The following SUCLG1 variants were observed in gnomAD, a reference collection of about 807,000 sequenced individuals.
The protein encoded by SUCLG1 is succinate-CoA ligase GDP/ADP-forming subunit alpha.
SUCLG1 carries 26 observed loss-of-function variants against 37.3 expected under a neutral mutation model. The observed-to-expected ratio is 0.70, with a 90% CI of 0.51 to 0.97. The LOEUF (loss-of-function observed/expected upper bound fraction) is 0.97. Among genes scored for constraint, SUCLG1 ranks in the 50% least tolerant of loss-of-function variants. The pLI, the probability that SUCLG1 is intolerant of heterozygous loss-of-function variation, is 0.00. For missense variants in SUCLG1, 433 were observed against 432.9 expected, an observed-to-expected ratio of 1.00 and a Z score of 0.00; for synonymous variants, 163 against 155.6, an observed-to-expected ratio of 1.05 and a Z score of -0.36.
chr2:84,453,893 C>T (rs1672981153), intron 1 of SUCLG1, among the ~76,000 whole-genome samples: 4 of 152,216 alleles, frequency 2.6e-5, no homozygotes, highest in Admixed American at 6.5e-5. Flanking sequence ...CTGAGAACAT[C>T]ATCGCAGGAA....
chr2:84,454,270 T>C lies in SUCLG1; in HGVS notation c.98-4518A>G, dbSNP rs549583880. Among the ~76,000 whole-genome samples the C allele has an allele frequency of 2.0e-5, 3 of 152,368 alleles. 1 individual carries two copies. Among genetic ancestry groups the C allele is most frequent in the South Asian group, 4.1e-4 (2 of 4,834 alleles). ...CATACTAATCCATGTCTGCATATAA[T>C]GTGCAGTATGCACAAATATACCTCT... is the stretch of plus-strand genomic sequence containing the variant. On this transcript the variant is annotated intron_variant, in intron 1 of 8. Transcript: ENST00000393868.
chr2:84,444,712 A>T (rs1672823902), intron 2 of SUCLG1, among the ~76,000 whole-genome samples: 1 of 152,076 alleles, frequency 6.6e-6, no homozygotes, highest in African/African-American at 2.4e-5. Context: ...ACTGGGGCTT[A>T]TTTCATCCCT....
chr2:84,440,461 T>TA (rs1672751113), intron 5 of SUCLG1, among the ~76,000 whole-genome samples: 1 of 152,212 alleles, frequency 6.6e-6, no homozygotes, highest in South Asian at 2.1e-4. Flanking sequence ...TATAAAATGA[T>TA]ATAGCCACTT....
At chr2:84,446,480 T>C (rs1381316781) in intron 2 of SUCLG1, among the ~76,000 whole-genome samples, 1 of 152,234 alleles carries the variant, frequency 6.6e-6, no homozygotes, top group African/African-American at 2.4e-5. Context: ...ATCAGGGCCT[T>C]AAGAAGGACC....
At chr2:84,435,748 C>A (rs879857323) in intron 5 of SUCLG1, among the ~76,000 whole-genome samples, 13 of 152,136 alleles carry the variant, frequency 8.5e-5, no homozygotes, top group African/African-American at 3.1e-4. Context: ...CTCTCATGCC[C>A]CCCTCATGAA....
chr2:84,456,572 A>G (rs1190768474), intron 1 of SUCLG1, among the ~76,000 whole-genome samples: 3 of 152,080 alleles, frequency 2.0e-5, no homozygotes, highest in Non-Finnish European at 4.4e-5. Context: ...TTCAACTTCA[A>G]GGGTGCTTAT....
intron 5 of SUCLG1, 30 bp downstream of exon 5, chr2:84,441,017 A>C (rs757882519): frequency 6.2e-7 from 1 of 1,608,710 alleles, no homozygotes; most frequent in Admixed American, 1.7e-5. Context: ...ATAACGTTTT[A>C]ATCTATAAGA....
At chr2:84,429,830 T>G (rs1391566905) in intron 7 of SUCLG1, among the ~76,000 whole-genome samples, 2 of 152,012 alleles carry the variant, frequency 1.3e-5, no homozygotes, top group Admixed American at 1.3e-4. Context: ...CAGAATGGCC[T>G]AAGAGTAAAG....
chr2:84,434,932 AC>A (rs1240845649), intron 5 of SUCLG1, among the ~76,000 whole-genome samples: 1 of 152,216 alleles, frequency 6.6e-6, no homozygotes, highest in Non-Finnish European at 1.5e-5. Flanking sequence ...AATGGTGTGT[AC>A]GTAACTTAGT....
At chr2:84,439,269 T>A (rs892444919) in intron 5 of SUCLG1, among the ~76,000 whole-genome samples, 1 of 152,040 alleles carries the variant, frequency 6.6e-6, no homozygotes, top group East Asian at 1.9e-4. Context: ...GTTATGACCA[T>A]TCACAAAGGC....
At position 84,423,898 on chromosome 2, in the gene SUCLG1, A is replaced by G. The variant is rs923974787; in HGVS notation, c.1015-126T>C. The G allele has an allele frequency of 4.9e-6, 5 of 1,029,792 alleles. No individual in the cohort carries two copies. In the African/African-American group the frequency reaches 6.4e-5, roughly 13 times the overall value. The allele number at this position is 1,029,792 out of a possible 1,614,324, so 63.8% of individuals were successfully genotyped here. ...AGGATCCCCTGAACAATCAAATTAC[A>G]GAAGAAAAATGTACCAGGATGAGGG... On this transcript the variant is annotated intron_variant, in intron 8 of 8. Transcript: ENST00000393868.
At chr2:84,442,822 T>C (rs1227352329) in intron 3 of SUCLG1, among the ~76,000 whole-genome samples, 3 of 152,210 alleles carry the variant, frequency 2.0e-5, no homozygotes, top group East Asian at 3.8e-4. Context: ...TAATCAGTTG[T>C]GAGACCATGG....
At chr2:84,427,459 T>C (rs984043240) in intron 7 of SUCLG1, among the ~76,000 whole-genome samples, 2 of 152,204 alleles carry the variant, frequency 1.3e-5, no homozygotes, top group Non-Finnish European at 2.9e-5. Flanking sequence ...TATGTATGGG[T>C]TCACTGAGTT....
chr2:84,456,630 G>T (rs1174783067), intron 1 of SUCLG1, among the ~76,000 whole-genome samples: 1 of 151,886 alleles, frequency 6.6e-6, no homozygotes, highest in Non-Finnish European at 1.5e-5. Context: ...ATTTTTCATT[G>T]TATTTTCTCT....
chr2:84,442,177 A>G (rs1219067628), intron 3 of SUCLG1, among the ~76,000 whole-genome samples: 1 of 151,818 alleles, frequency 6.6e-6, no homozygotes, highest in Admixed American at 6.6e-5. Context: ...AAAAAAAAAA[A>G]AAAAGCAAAA....
chr2:84,442,798 C>A (rs1672794727), intron 3 of SUCLG1, among the ~76,000 whole-genome samples: 1 of 152,192 alleles, frequency 6.6e-6, no homozygotes, highest in Non-Finnish European at 1.5e-5. Context: ...CCAAGCCATC[C>A]TAAGCCTGCC....
intron 5 of SUCLG1, among the ~76,000 whole-genome samples, chr2:84,434,385 C>T (rs1672653906): frequency 6.6e-6 from 1 of 152,166 alleles, no homozygotes; most frequent in African/African-American, 2.4e-5. Context: ...GGAATCAAGT[C>T]TCCCACCTAA....
chr2:84,428,423 T>A (rs1018104163), intron 7 of SUCLG1, among the ~76,000 whole-genome samples: 1 of 152,214 alleles, frequency 6.6e-6, no homozygotes, highest in African/African-American at 2.4e-5. Flanking sequence ...CCTACTGTAG[T>A]ACCTATGGTA....
intron 7 of SUCLG1, 84 bp from the exon 8 acceptor site, chr2:84,425,687 G>A (rs1175347543): frequency 6.7e-7 from 1 of 1,493,116 alleles, no homozygotes; most frequent in African/African-American, 1.4e-5. Flanking sequence ...GCTGGTAAAT[G>A]GTAAATGGCT....
Sources: gnomAD v4.1 joint callset for allele counts (sites outside exome capture counted in the v4.1 genomes callset) on GRCh38, gnomAD v4.1.1 for gene constraint, MANE v1.5 for transcripts, NCBI Gene and HGNC (gene_info 2026-07-23, HGNC 2026-07-21) for gene names.